Variants in FXYD6 observed in about 807,000 individuals in gnomAD.
The protein encoded by FXYD6 is FXYD domain containing ion transport regulator 6, also known as FXYD domain-containing ion transport regulator 6.
FXYD6 carries 7 observed loss-of-function variants against 16.7 expected under a neutral mutation model. The ratio of observed to expected loss-of-function variants is 0.42; its 90% CI spans 0.24 to 0.79. FXYD6 has a LOEUF of 0.79. Ranked by LOEUF, FXYD6 falls within the 30% of genes least tolerant of loss-of-function variation. The pLI is 0.28. For missense variants in FXYD6, 111 were observed against 116.2 expected (o/e 0.95, Z 0.21); for synonymous variants, 49 against 43.0 (o/e 1.14, Z -0.54).
chr11:117,862,701 T>A (rs948571459), intron 1 of FXYD6, among the ~76,000 whole-genome samples: 1 of 151,952 alleles, frequency 6.6e-6, no homozygotes, highest in East Asian at 1.9e-4. Context: ...TCTAGAAGGG[T>A]TGGGCCCTGA....
Position 117,872,393 on chromosome 11 carries a change from G to A in FXYD6, c.-6+4199C>T, listed in dbSNP as rs575054384. ...TGAGGTGGACAGTAGGGGAGAGGAA[G>A]GAACAGGACAAGCCCATTGATCTAC... On this transcript the variant is annotated intron_variant, in intron 1 of 7. Coordinates refer to ENST00000526014, the MANE Select transcript of FXYD6 (RefSeq NM_022003.4). This position sits in a 1 kb window ranked among gnomAD's most constrained non-coding sequence, Gnocchi z 4.9. Among the ~76,000 whole-genome samples the A allele has an allele frequency of 7.9e-5, 12 of 152,250 alleles. No individual in the cohort carries two copies. The highest frequency in any genetic ancestry group is 2.6e-4 in the African/African-American group (11 of 41,538).
At chr11:117,869,510 C>A (rs1016722509) in intron 1 of FXYD6, among the ~76,000 whole-genome samples, 2 of 152,232 alleles carry the variant, frequency 1.3e-5, no homozygotes, top group African/African-American at 4.8e-5. Flanking sequence ...CTGGACTCAA[C>A]CGGCCCAGAC....
At chr11:117,873,902 C>T (rs987593106) in intron 1 of FXYD6, among the ~76,000 whole-genome samples, 3 of 152,174 alleles carry the variant, frequency 2.0e-5, no homozygotes, top group African/African-American at 7.2e-5. Flanking sequence ...CTAAGGGACC[C>T]TCACTTTGGA....
chr11:117,837,862 C>T lies in FXYD6; in HGVS notation c.*437G>A. 1 of 294,510 alleles carries T rather than the reference C, an allele frequency of 3.4e-6. No homozygotes were observed. Among genetic ancestry groups the T allele is most frequent in the African/African-American group, 2.1e-5 (1 of 47,222 alleles). 18.2% of individuals were successfully genotyped at this position (294,510 alleles called of 1,614,324 possible). A position where few individuals can be genotyped will look rare whatever the true frequency, so the allele number is the denominator to read the frequency against. ...CCCTAAATCAGGGGAGGGGGCTGGT[C>T]TCGGGCAACAAGCAGCCTCCTAGGA... On this transcript the variant is annotated 3_prime_UTR_variant, in exon 8 of 8. Transcript: ENST00000526014. This position sits in a 1 kb window ranked among gnomAD's most constrained non-coding sequence, Gnocchi z 4.4.
chr11:117,842,354 C>T, intron 2 of FXYD6: 1 of 559,582 alleles, frequency 1.8e-6, no homozygotes, highest in Non-Finnish European at 3.2e-6. Context: ...GAAACCGAGA[C>T]CAAGGAAGGA....
chr11:117,864,257 T>C (rs759847404), intron 1 of FXYD6, among the ~76,000 whole-genome samples: 35 of 152,174 alleles, frequency 2.3e-4, no homozygotes, highest in African/African-American at 4.1e-4. Flanking sequence ...TATACACCAA[T>C]AGAGTAGGAT....
At chr11:117,859,491 A>C (rs577378508) in intron 1 of FXYD6, among the ~76,000 whole-genome samples, 35 of 152,360 alleles carry the variant, frequency 2.3e-4, no homozygotes, top group Admixed American at 9.1e-4. Context: ...GGGGGTCTGT[A>C]TTGGATACAA....
intron 1 of FXYD6, among the ~76,000 whole-genome samples, chr11:117,868,285 G>C (rs938620340): frequency 6.6e-6 from 1 of 152,108 alleles, no homozygotes; most frequent in African/African-American, 2.4e-5. Context: ...GTGCTGCGTG[G>C]GGGGCATGAA....
intron 1 of FXYD6, among the ~76,000 whole-genome samples, chr11:117,849,949 G>A (rs1348745660): frequency 6.6e-6 from 1 of 152,098 alleles, no homozygotes; most frequent in Non-Finnish European, 1.5e-5. Context: ...TGCTCCGAAG[G>A]GTAGCCTTTG....
intron 1 of FXYD6, among the ~76,000 whole-genome samples, chr11:117,867,963 A>G (rs919505533): frequency 6.6e-6 from 1 of 152,148 alleles, no homozygotes; most frequent in Admixed American, 6.5e-5. Flanking sequence ...AATTTTGAGA[A>G]TCTCCCCCAC....
chr11:117,863,222 C>T (rs1298955969), intron 1 of FXYD6, among the ~76,000 whole-genome samples: 2 of 152,102 alleles, frequency 1.3e-5, no homozygotes, highest in Non-Finnish European at 2.9e-5. Flanking sequence ...CTCCCTGGCA[C>T]ATGTGGAAAT....
At chr11:117,858,740 CCTTCCTTCCTT>C (rs1178120953) in intron 1 of FXYD6, among the ~76,000 whole-genome samples, 10 of 118,176 alleles carry the variant, frequency 8.5e-5, no homozygotes, top group African/African-American at 3.1e-4. Context: ...TTCCTTCCTT[CCTTCCTTCCTT>C]CCTTCCTTCC....
rs891007722 is a variant in FXYD6, at chr11:117,872,904, G to A, written c.-6+3688C>T. ...GACGGTGTCAGAGCACTGTGTTCCC[G>A]ACCGGCCCCTCTCGTTGCAACTCTC... On this transcript the variant is annotated intron_variant, in intron 1 of 7. Coordinates refer to ENST00000526014, the MANE Select transcript of FXYD6 (RefSeq NM_022003.4). This position sits in a 1 kb window ranked among gnomAD's most constrained non-coding sequence, Gnocchi z 4.9. Among the ~76,000 whole-genome samples the A allele has an allele frequency of 1.3e-5, 2 of 152,098 alleles. No individual in the cohort carries two copies. Among genetic ancestry groups the A allele is most frequent in the Admixed American group, 6.5e-5 (1 of 15,270 alleles).
Position 117,839,819 on chromosome 11 carries a change from G to T in FXYD6, c.271C>A (p.Gln91Lys). The T allele has an allele frequency of 6.2e-7, 1 of 1,614,168 alleles. No homozygotes were observed. Among genetic ancestry groups the T allele is most frequent in the Non-Finnish European group, 8.5e-7 (1 of 1,180,024 alleles). ...GCTGCACTTCAGTTCTCTGCTTTCT[G>T]GGGCTCTGTTGCTGGAAAGAAAACC... ...NLITANATEPQKAEN is the reference protein window; with the variant it reads ...NLITANATEPKKAEN The change falls in exon 7 of 8, where the codon CAG becomes AAG. Residue 91 changes from glutamine to lysine, a missense_variant. Gln to Lys is a moderately conservative substitution (Grantham distance 53). Transcript: ENST00000526014.
rs1430307654 is a variant in FXYD6, at chr11:117,842,029, C to T, written c.59-1G>A. ...TCCATTTCCTTCTCCTTTTCAGCTG[C>T]TGCAAAAACAAACAGTTGGTCAAGA... On this transcript the variant is annotated splice_acceptor_variant, in intron 2 of 7. Transcript: ENST00000526014. LOFTEE classifies it high-confidence loss of function. 6.2e-6 allele frequency: 10 copies of T among 1,614,200 alleles called. No homozygotes were observed. Among genetic ancestry groups the T allele is most frequent in the Non-Finnish European group, 6.8e-6 (8 of 1,180,046 alleles).
intron 1 of FXYD6, among the ~76,000 whole-genome samples, chr11:117,864,211 A>G (rs1204820254): frequency 1.3e-5 from 2 of 152,270 alleles, no homozygotes; most frequent in Non-Finnish European, 2.9e-5. Context: ...ACAAGGCTAC[A>G]GTATCAAAAC....
At chr11:117,875,906 C>A (rs2057250773) in intron 1 of FXYD6, among the ~76,000 whole-genome samples, 1 of 152,176 alleles carries the variant, frequency 6.6e-6, no homozygotes, top group African/African-American at 2.4e-5. Flanking sequence ...GCCCGGGAGA[C>A]ACAATAGGGG....
intron 1 of FXYD6, 108 bp from the exon 2 acceptor site, chr11:117,842,889 G>T: frequency 8.5e-7 from 1 of 1,173,622 alleles, no homozygotes; most frequent in Non-Finnish European, 1.2e-6. Context: ...GCTTTGCTCT[G>T]CACTCATGAC....
chr11:117,842,616 G>A (rs1188643980), intron 2 of FXYD6, 103 bp downstream of exon 2: 9 of 1,183,188 alleles, frequency 7.6e-6, no homozygotes, highest in Non-Finnish European at 4.9e-6. Context: ...AAGAACGTGA[G>A]AGTCCCCCAG....
Sources: gnomAD v4.1 joint callset for allele counts (sites outside exome capture counted in the v4.1 genomes callset) on GRCh38, gnomAD v4.1.1 for gene constraint, Gnocchi (gnomAD v3.1) non-coding constraint, MANE v1.5 for transcripts, NCBI Gene and HGNC (gene_info 2026-07-23, HGNC 2026-07-21) for gene names.